The following TMEM181 variants were observed in gnomAD, a reference collection of about 807,000 sequenced individuals.
TMEM181 encodes the protein G protein-coupled receptor 178.
In TMEM181, 39 loss-of-function variants were observed where a neutral mutation model predicts 71.9. The observed-to-expected ratio is 0.54, with a 90% CI of 0.42 to 0.71. The LOEUF (loss-of-function observed/expected upper bound fraction) is 0.71. Among genes scored for constraint, TMEM181 ranks in the 30% least tolerant of loss-of-function variants. The pLI, the probability that TMEM181 is intolerant of heterozygous loss-of-function variation, is 0.00. For missense variants in TMEM181, 595 were observed against 583.0 expected (o/e 1.02, Z -0.21); for synonymous variants, 245 against 228.8 (o/e 1.07, Z -0.64).
At chr6:158,628,855 G>A (rs1363493893) in intron 14 of TMEM181, among the ~76,000 whole-genome samples, 1 of 152,196 alleles carries the variant, frequency 6.6e-6, no homozygotes, top group Non-Finnish European at 1.5e-5. Flanking sequence ...TCTCCACACC[G>A]CGGGGCTCCA....
At chr6:158,543,922 G>T (rs1562611727) in intron 1 of TMEM181, among the ~76,000 whole-genome samples, 2 of 152,152 alleles carry the variant, frequency 1.3e-5, no homozygotes, top group African/African-American at 2.4e-5. Flanking sequence ...TTTTCTAAGC[G>T]TAGCAGCCGA....
At chr6:158,555,652 G>A (rs1385218943), upstream of TMEM181, among the ~76,000 whole-genome samples, 1 of 152,208 alleles carries the variant, frequency 6.6e-6, no homozygotes, top group Non-Finnish European at 1.5e-5. Flanking sequence ...TTAAAAATGT[G>A]CGTGAAAAGA....
rs919777121 is a variant in TMEM181 at position 158,633,206 on chromosome 6, GGTAGAAGGCAACTCGT to G, written c.*1320_*1335del. Reference sequence around the variant, plus strand: ...AAATGGTTCATGGAAAACGTATTTGGGTAGAAGGCAACTCGTGCTTCCGGAAGGGGTTCCCTGTCCT... The same window carrying G: ...AAATGGTTCATGGAAAACGTATTTGGGCTTCCGGAAGGGGTTCCCTGTCCT... On this transcript the variant is annotated 3_prime_UTR_variant, in exon 17 of 17. Coordinates refer to ENST00000684151, the MANE Select transcript of TMEM181 (RefSeq NM_001376852.1). The G allele has an allele frequency of 2.0e-5, 3 of 152,172 alleles. No individual in the cohort carries two copies. Among genetic ancestry groups the G allele is most frequent in the Non-Finnish European group, 2.9e-5 (2 of 68,026 alleles). The allele number at this position is 152,172 out of a possible 1,614,324, so 9.4% of individuals were successfully genotyped here. A position where few individuals can be genotyped will look rare whatever the true frequency, so the allele number is the denominator to read the frequency against.
intron 3 of TMEM181, 144 bp from the exon 4 acceptor site, chr6:158,583,810 A>G: frequency 3.5e-6 from 2 of 572,788 alleles, no homozygotes; most frequent in South Asian, 2.7e-5. Flanking sequence ...AATAAAAAAA[A>G]GAAGGAAAAC....
chr6:158,631,532 T>A, intron 16 of TMEM181, 143 bp downstream of exon 16: 1 of 962,512 alleles, frequency 1.0e-6, no homozygotes, highest in Non-Finnish European at 1.6e-6. Context: ...CGTGGTTTTC[T>A]GTTTTCACAG....
At position 158,623,571 on chromosome 6, in the gene TMEM181, A is replaced by G. The variant is rs781056964; in HGVS notation, c.918A>G (p.Pro306=). 7.0e-6 allele frequency: 11 copies of G among 1,580,884 alleles called. No individual in the cohort carries two copies. In the African/African-American group the frequency reaches 9.4e-5, roughly 14 times the overall value. Residue 306 remains proline (P), a synonymous_variant, in exon 11 of 17, where the codon CCA becomes CCG. Coordinates refer to ENST00000684151, the MANE Select transcript of TMEM181 (RefSeq NM_001376852.1). ...TTAGAGTTAACGAATTACATGATCC[A>G]ATGTACCAGTATCGAGTTGATACCG... is the stretch of plus-strand genomic sequence containing the variant. ...IWQTVNELHD[P]MYQYRVDTGN... is the part of the protein sequence containing the mutation.
intron 1 of TMEM181, among the ~76,000 whole-genome samples, chr6:158,537,221 C>A (rs1314292370): frequency 6.6e-6 from 1 of 152,048 alleles, no homozygotes; most frequent in Non-Finnish European, 1.5e-5. Flanking sequence ...TCTCCCCCCG[C>A]GCCCGCCTCG....
chr6:158,544,176 G>GGAGA (rs142404272), intron 1 of TMEM181, among the ~76,000 whole-genome samples: 25 of 121,866 alleles, frequency 2.1e-4, no homozygotes, highest in African/African-American at 7.1e-4. Context: ...GGTGCAAATT[G>GGAGA]GAGAGAGTGT....
intron 3 of TMEM181, 42 bp downstream of exon 3, chr6:158,581,037 T>C (rs779819422): frequency 1.2e-5 from 19 of 1,567,980 alleles, no homozygotes; most frequent in Non-Finnish European, 1.7e-5. Flanking sequence ...TGGGGTGCAT[T>C]ATAAACCTCA....
chr6:158,618,929 C>T (rs1397605161), intron 10 of TMEM181, among the ~76,000 whole-genome samples: 1 of 152,122 alleles, frequency 6.6e-6, no homozygotes, highest in Admixed American at 6.5e-5. Flanking sequence ...AACATTTTTT[C>T]GTTCATTTCA....
intron 1 of TMEM181, among the ~76,000 whole-genome samples, chr6:158,546,274 G>A (rs1266736893): frequency 6.6e-6 from 1 of 152,202 alleles, no homozygotes; most frequent in Admixed American, 6.5e-5. Flanking sequence ...GGCTGCAGTA[G>A]GAATGAGAAC....
intron 1 of TMEM181, among the ~76,000 whole-genome samples, chr6:158,551,211 C>T (rs1781714163): frequency 1.3e-5 from 2 of 152,090 alleles, no homozygotes; most frequent in South Asian, 2.1e-4. Flanking sequence ...CCGCCTGCCT[C>T]GGCCTCCCAA....
chr6:158,603,230 T>C (rs1784766623), intron 6 of TMEM181, among the ~76,000 whole-genome samples: 1 of 152,220 alleles, frequency 6.6e-6, no homozygotes, highest in African/African-American at 2.4e-5. Context: ...CCAGCCTTTT[T>C]GGCATCGGGG....
chr6:158,561,431 A>G (rs1046294151), intron 1 of TMEM181, among the ~76,000 whole-genome samples: 2 of 152,246 alleles, frequency 1.3e-5, no homozygotes, highest in Non-Finnish European at 2.9e-5. Context: ...TGTGCGGCCT[A>G]TGTAAATAAT....
At chr6:158,618,982 C>G (rs1785788097) in intron 10 of TMEM181, among the ~76,000 whole-genome samples, 1 of 152,202 alleles carries the variant, frequency 6.6e-6, no homozygotes. Flanking sequence ...GGTTGCTCTT[C>G]TCAAGGAGTA....
At chr6:158,551,596 A>G (rs6911760) in intron 1 of TMEM181, among the ~76,000 whole-genome samples, 3,547 of 152,266 alleles carry the variant, frequency 0.023, 144 homozygotes, top group African/African-American at 0.08. Context: ...ATGTTTTAAG[A>G]TGGCAACCAG....
chr6:158,607,243 G>A lies in TMEM181; in HGVS notation c.574-1G>A. On this transcript the variant is annotated splice_acceptor_variant, in intron 7 of 16. Transcript: ENST00000684151. LOFTEE classifies it high-confidence loss of function. Reference sequence around the variant, plus strand: ...AACTGGAGGCCTGATTTGGTTTGCAGTGCCTGTTTGCGCATTCCCTCCGGA... The same window carrying A: ...AACTGGAGGCCTGATTTGGTTTGCAATGCCTGTTTGCGCATTCCCTCCGGA... The A allele has an allele frequency of 6.2e-7, 1 of 1,613,886 alleles. No homozygotes were observed. The highest frequency in any genetic ancestry group is 8.5e-7 in the Non-Finnish European group (1 of 1,179,788).
intron 1 of TMEM181, among the ~76,000 whole-genome samples, chr6:158,551,867 C>T (rs906890071): frequency 6.6e-6 from 1 of 152,172 alleles, no homozygotes; most frequent in Non-Finnish European, 1.5e-5. Context: ...CTAATCATTT[C>T]CTATCACTAT....
rs1235110419 is a variant in TMEM181, at chr6:158,634,806, T to C, written c.*2918T>C. ...AGACAAATGTCACCAGCCTCAAGTA[T>C]TTTATGAACTATTTACTGAGGGTAG... is the stretch of plus-strand genomic sequence containing the variant. On this transcript the variant is annotated 3_prime_UTR_variant, in exon 17 of 17. Transcript: ENST00000684151. 3 of 151,974 alleles carry C rather than the reference T, an allele frequency of 2.0e-5. No individual in the cohort carries two copies. The highest frequency in any genetic ancestry group is 4.4e-5 in the Non-Finnish European group (3 of 67,986). 9.4% of individuals were successfully genotyped at this position (151,974 alleles called of 1,614,324 possible). A position where few individuals can be genotyped will look rare whatever the true frequency, so the allele number is the denominator to read the frequency against.
Sources: allele counts gnomAD v4.1 joint callset (sites outside exome capture counted in the v4.1 genomes callset), GRCh38; gene constraint gnomAD v4.1.1; transcripts MANE v1.5; gene names NCBI Gene and HGNC (gene_info 2026-07-23, HGNC 2026-07-21).